The following NUP210 variants were observed in gnomAD, a reference collection of about 807,000 sequenced individuals.
NUP210 encodes nuclear pore membrane glycoprotein 210.
In NUP210, 151 loss-of-function variants were observed where a neutral mutation model predicts 196.0. The ratio of observed to expected loss-of-function variants is 0.77; its 90% CI spans 0.67 to 0.88. The LOEUF (loss-of-function observed/expected upper bound fraction) is 0.88, where lower values mean the gene tolerates loss of function less well. Ranked by LOEUF, NUP210 falls within the 40% of genes least tolerant of loss-of-function variation. The probability of loss-of-function intolerance (pLI) is 0.00; values close to 1 mark genes in which losing one functional copy is unlikely to be tolerated. For synonymous variants in NUP210, 1,070 were observed against 1,052.7 expected (o/e 1.02, Z -0.32); for missense variants, 2,314 against 2,493.7 (o/e 0.93, Z 1.53).
chr3:13,401,259 CAAAA>C (rs71066952), intron 1 of NUP210, among the ~76,000 whole-genome samples: 21 of 43,832 alleles, frequency 4.8e-4, no homozygotes, highest in Middle Eastern at 0.031. Context: ...GACTCTGGCT[CAAAA>C]AAAAAAAAAA....
chr3:13,391,353 C>A, intron 3 of NUP210, 46 bp from the exon 4 acceptor site: 1 of 1,355,186 alleles, frequency 7.4e-7, no homozygotes. Flanking sequence ...AGTTAATTTC[C>A]CAGGGTGGAG....
At chr3:13,376,534 G>T in intron 9 of NUP210, 103 bp from the exon 10 acceptor site, 1 of 1,390,106 alleles carries the variant, frequency 7.2e-7, no homozygotes, top group Non-Finnish European at 9.9e-7. Flanking sequence ...GCCAGGCCAG[G>T]CCAAGGGGCC....
At chr3:13,388,968 CT>C in intron 4 of NUP210, among the ~76,000 whole-genome samples, 1 of 152,238 alleles carries the variant, frequency 6.6e-6, no homozygotes, top group South Asian at 2.1e-4. Flanking sequence ...ATGTCTCACT[CT>C]CCCTGGATCC....
intron 3 of NUP210, among the ~76,000 whole-genome samples, chr3:13,395,295 T>C (rs1311222491): frequency 6.6e-6 from 1 of 152,148 alleles, no homozygotes; most frequent in Non-Finnish European, 1.5e-5. Flanking sequence ...GGATGAGCAA[T>C]AGCAAGTGCT....
At chr3:13,396,760 CAA>C (rs71066951) in intron 3 of NUP210, among the ~76,000 whole-genome samples, 3 of 62,104 alleles carry the variant, frequency 4.8e-5, no homozygotes, top group African/African-American at 7.4e-5. Context: ...GACTCTGTCT[CAA>C]AAAAAAAAAA....
chr3:13,373,670 G>C, intron 12 of NUP210, 48 bp downstream of exon 12: 2 of 1,598,882 alleles, frequency 1.3e-6, no homozygotes, highest in Non-Finnish European at 1.7e-6. Flanking sequence ...GGCGGCTGGA[G>C]ACCACCATCC....
chr3:13,402,729 G>A (rs1342214435), intron 1 of NUP210, among the ~76,000 whole-genome samples: 1 of 152,144 alleles, frequency 6.6e-6, no homozygotes, highest in South Asian at 2.1e-4. Context: ...TAACAGGTGA[G>A]ATTAATTTTT....
intron 1 of NUP210, among the ~76,000 whole-genome samples, chr3:13,400,452 C>T (rs1478937488): frequency 6.6e-6 from 1 of 152,176 alleles, no homozygotes; most frequent in Admixed American, 6.5e-5. Context: ...CAAATGAGCC[C>T]AGACGTCTGT....
At chr3:13,362,120 C>T (rs1407479914) in intron 14 of NUP210, among the ~76,000 whole-genome samples, 14 of 152,108 alleles carry the variant, frequency 9.2e-5, no homozygotes, top group Non-Finnish European at 1.0e-4. Flanking sequence ...GTGGAGGGTA[C>T]GGTGTGTCTG....
intron 13 of NUP210, among the ~76,000 whole-genome samples, chr3:13,368,801 T>C (rs1469217498): frequency 6.6e-6 from 1 of 152,238 alleles, no homozygotes; most frequent in Non-Finnish European, 1.5e-5. Context: ...ACTGTATGGA[T>C]AGACCTCATT....
chr3:13,395,900 A>G (rs1483405767), intron 3 of NUP210, among the ~76,000 whole-genome samples: 1 of 152,138 alleles, frequency 6.6e-6, no homozygotes, highest in Non-Finnish European at 1.5e-5. Flanking sequence ...AGTTTGTACA[A>G]AGTGCTCAGA....
intron 16 of NUP210, 116 bp downstream of exon 16, chr3:13,358,106 A>C: frequency 1.1e-6 from 1 of 893,202 alleles, no homozygotes; most frequent in Non-Finnish European, 1.7e-6. Context: ...AGACGAAGGA[A>C]GTGCAGCGTG....
intron 1 of NUP210, among the ~76,000 whole-genome samples, chr3:13,413,883 A>C (rs1442513262): frequency 1.3e-5 from 2 of 152,270 alleles, no homozygotes; most frequent in Non-Finnish European, 2.9e-5. Context: ...AAAATAAAAA[A>C]ATATGTAAAC....
chr3:13,320,838 GC>G (rs1319031880), intron 36 of NUP210, among the ~76,000 whole-genome samples: 1 of 148,702 alleles, frequency 6.7e-6, no homozygotes, highest in Non-Finnish European at 1.5e-5. Context: ...CTTGCAGTGA[GC>G]CCAGATTGCG....
In NUP210 at chr3:13,386,306, C is replaced by T. The variant is rs1381132150; in HGVS notation, c.786G>A (p.Lys262=). The T allele has an allele frequency of 1.9e-6, 3 of 1,614,142 alleles. No homozygotes were observed. The East Asian group carries it at 6.7e-5, about 36-fold the overall frequency. ...TTTTCCCTTGCCTGATCTTCTGCAC[C>T]TTGTAGTGAATGGAGGTTCCCACCA... ...YLMVGTSIHY[K]VQKIRQGKIT... Residue 262 remains lysine (K), a synonymous_variant, in exon 6 of 40, where the codon AAG becomes AAA. Coordinates refer to ENST00000254508, the MANE Select transcript of NUP210 (RefSeq NM_024923.4).
intron 28 of NUP210, among the ~76,000 whole-genome samples, chr3:13,334,937 C>T (rs1697148193): frequency 6.6e-6 from 1 of 152,196 alleles, no homozygotes; most frequent in African/African-American, 2.4e-5. Flanking sequence ...GAGGCCACCC[C>T]CAACTTACCC....
chr3:13,354,739 T>C (rs1255426070), intron 16 of NUP210: 1 of 152,282 alleles, frequency 6.6e-6, no homozygotes, highest in African/African-American at 2.4e-5. Context: ...TCCTTAAATG[T>C]CCCAGGAAGG....
At chr3:13,389,341 T>A (rs1699402995) in intron 4 of NUP210, among the ~76,000 whole-genome samples, 1 of 152,132 alleles carries the variant, frequency 6.6e-6, no homozygotes, top group African/African-American at 2.4e-5. Context: ...CCCCTCAACA[T>A]CCAGCGTGTG....
chr3:13,408,544 C>T (rs1700067627), intron 1 of NUP210, among the ~76,000 whole-genome samples: 1 of 152,276 alleles, frequency 6.6e-6, no homozygotes, highest in South Asian at 2.1e-4. Context: ...AATCCCAGCA[C>T]TTTGGGATGC....
Sources: allele counts gnomAD v4.1 joint callset (sites outside exome capture counted in the v4.1 genomes callset), GRCh38; gene constraint gnomAD v4.1.1; transcripts MANE v1.5; gene names NCBI Gene and HGNC (gene_info 2026-07-23, HGNC 2026-07-21).